The following PTPRD variants were observed in gnomAD, a reference collection of about 807,000 sequenced individuals.
PTPRD encodes protein tyrosine phosphatase receptor type D, also known as receptor-type tyrosine-protein phosphatase delta.
A neutral mutation model predicts 214.5 loss-of-function variants in PTPRD; 34 were observed. That is an observed-to-expected ratio of 0.16 (90% CI 0.12 to 0.21). PTPRD has a LOEUF of 0.21. PTPRD is among the 10% of genes least tolerant of loss of function. The pLI, the probability that PTPRD is intolerant of heterozygous loss-of-function variation, is 1.00. For missense variants in PTPRD, 2,545 were observed against 2,398.7 expected (o/e 1.06, Z -1.27); for synonymous variants, 1,128 against 845.7 (o/e 1.33, Z -5.79).
chr9:8,558,274 T>A (rs954251372), intron 14 of PTPRD, among the ~76,000 whole-genome samples: 1 of 152,216 alleles, frequency 6.6e-6, no homozygotes, highest in African/African-American at 2.4e-5. Flanking sequence ...TTCCTCTATA[T>A]CTTCTCTCCT....
At chr9:9,235,229 C>T (rs1036840068) in intron 9 of PTPRD, among the ~76,000 whole-genome samples, 10 of 152,094 alleles carry the variant, frequency 6.6e-5, no homozygotes, top group African/African-American at 2.4e-4. Context: ...GTCATGAGAA[C>T]AACATGGGGG....
At chr9:8,398,217 C>T (rs1260176663) in intron 36 of PTPRD, among the ~76,000 whole-genome samples, 2 of 152,102 alleles carry the variant, frequency 1.3e-5, no homozygotes, top group Non-Finnish European at 2.9e-5. Flanking sequence ...AGGCACTCTT[C>T]TAGGTGCTTT....
intron 3 of PTPRD, among the ~76,000 whole-genome samples, chr9:10,262,996 G>A (rs146288182): frequency 1.0e-3 from 158 of 152,248 alleles, no homozygotes; most frequent in African/African-American, 3.6e-3. Flanking sequence ...GGTTTTAAAA[G>A]GGGTTTCCCC....
chr9:10,205,260 A>G (rs1210519965), intron 3 of PTPRD, among the ~76,000 whole-genome samples: 4 of 151,994 alleles, frequency 2.6e-5, no homozygotes, highest in African/African-American at 9.7e-5. Flanking sequence ...TACAACAAAA[A>G]CTTTAAATTT....
chr9:9,028,540 G>A (rs77566397), intron 10 of PTPRD, among the ~76,000 whole-genome samples: 6,359 of 151,988 alleles, frequency 0.042, 201 homozygotes, highest in African/African-American at 0.089. Flanking sequence ...TAATTGATAT[G>A]TAAGACTTGA....
chr9:8,678,287 T>A (rs2097477371), intron 12 of PTPRD, among the ~76,000 whole-genome samples: 1 of 152,200 alleles, frequency 6.6e-6, no homozygotes, highest in Admixed American at 6.5e-5. Context: ...TTAAATGTTC[T>A]GAGTCAAGTT....
At chr9:9,038,859 T>A (rs1009879327) in intron 10 of PTPRD, among the ~76,000 whole-genome samples, 6 of 152,102 alleles carry the variant, frequency 3.9e-5, no homozygotes, top group African/African-American at 1.4e-4. Flanking sequence ...GCCCAGCAGA[T>A]AACTATTTTT....
At chr9:9,813,559 C>G (rs1426032128) in intron 5 of PTPRD, among the ~76,000 whole-genome samples, 1 of 151,932 alleles carries the variant, frequency 6.6e-6, no homozygotes, top group Non-Finnish European at 1.5e-5. Flanking sequence ...CCTACTAGAA[C>G]TGAGTAATGA....
chr9:8,616,158 C>G (rs961104129), intron 14 of PTPRD, among the ~76,000 whole-genome samples: 1 of 152,100 alleles, frequency 6.6e-6, no homozygotes, highest in Non-Finnish European at 1.5e-5. Context: ...ACCTCATATC[C>G]TGACTTTCTA....
At chr9:10,298,551 C>A (rs896767085) in intron 3 of PTPRD, among the ~76,000 whole-genome samples, 2 of 152,090 alleles carry the variant, frequency 1.3e-5, no homozygotes, top group African/African-American at 4.8e-5. Context: ...TAATTGCCAT[C>A]ATTCTCAGAC....
chr9:8,519,715 C>G (rs1012142618), intron 20 of PTPRD, among the ~76,000 whole-genome samples: 4 of 152,170 alleles, frequency 2.6e-5, no homozygotes, highest in African/African-American at 7.2e-5. Flanking sequence ...TCATTCTCTT[C>G]AACCTGTTCT....
At chr9:9,947,533 TTATATATAATATATATATTA>T (rs1566622520) in intron 4 of PTPRD, among the ~76,000 whole-genome samples, 2 of 17,542 alleles carry the variant, frequency 1.1e-4, no homozygotes, top group African/African-American at 4.2e-4. Flanking sequence ...TATATATATT[TTATATATAATATATATATTA>T]TATATATATT....
rs372048075 is a variant in PTPRD, at chr9:8,954,478, C to A, written c.-104+64219G>T. 2.0e-4 allele frequency among the ~76,000 whole-genome samples: 30 copies of A among 151,656 alleles called. No individual in the cohort carries two copies. The East Asian group carries it at 5.4e-3, about 27-fold the overall frequency. ...CCTTTGTAACAAACCTGTGCATATT[C>A]TCCACAATTCTAAGGTAAAAGTCAA... On this transcript the variant is annotated intron_variant, in intron 11 of 45. Transcript: ENST00000381196.
chr9:8,508,636 G>A (rs773667844), intron 21 of PTPRD, among the ~76,000 whole-genome samples: 1 of 152,080 alleles, frequency 6.6e-6, no homozygotes, highest in Non-Finnish European at 1.5e-5. Flanking sequence ...TCTAAAGTGT[G>A]CTTTAAAACA....
intron 36 of PTPRD, among the ~76,000 whole-genome samples, chr9:8,395,832 C>T (rs531652649): frequency 8.5e-5 from 13 of 152,104 alleles, no homozygotes; most frequent in South Asian, 8.3e-4. Flanking sequence ...GGAAAGTAGA[C>T]GGCTGATTGA....
chr9:10,227,429 C>G (rs2099592511), intron 3 of PTPRD, among the ~76,000 whole-genome samples: 2 of 151,892 alleles, frequency 1.3e-5, no homozygotes, highest in South Asian at 4.1e-4. Flanking sequence ...TAAATAACTT[C>G]TATTACCTAA....
intron 5 of PTPRD, among the ~76,000 whole-genome samples, chr9:9,868,781 CTT>C (rs2064677861): frequency 6.6e-6 from 1 of 151,046 alleles, no homozygotes; most frequent in African/African-American, 2.5e-5. Context: ...GCACAAATGA[CTT>C]ATAAACAATA....
chr9:8,784,923 T>A (rs1428330281), intron 11 of PTPRD, among the ~76,000 whole-genome samples: 1 of 152,130 alleles, frequency 6.6e-6, no homozygotes. Flanking sequence ...CAGAAACAAC[T>A]TCCATGATAA....
At chr9:8,996,112 G>T (rs991824612) in intron 11 of PTPRD, among the ~76,000 whole-genome samples, 4 of 151,864 alleles carry the variant, frequency 2.6e-5, no homozygotes, top group Non-Finnish European at 5.9e-5. Context: ...AAAACTCCAA[G>T]GTATTTACCC....
Sources: allele counts gnomAD v4.1 joint callset (sites outside exome capture counted in the v4.1 genomes callset), GRCh38; gene constraint gnomAD v4.1.1; transcripts MANE v1.5; gene names NCBI Gene and HGNC (gene_info 2026-07-23, HGNC 2026-07-21).